HECW2: variants seen among roughly 807,000 people sequenced by gnomAD.
The protein encoded by HECW2 is E3 ubiquitin-protein ligase HECW2.
A neutral mutation model predicts 175.2 loss-of-function variants in HECW2; 61 were observed. That is an observed-to-expected ratio of 0.35 (90% CI 0.28 to 0.43). The LOEUF is 0.43. Ranked by LOEUF, HECW2 falls within the 20% of genes least tolerant of loss-of-function variation. The probability of loss-of-function intolerance (pLI) is 1.00; values close to 1 mark genes in which losing one functional copy is unlikely to be tolerated. For missense variants in HECW2, 1,524 were observed against 2,000.5 expected, an observed-to-expected ratio of 0.76 and a Z score of 4.54; for synonymous variants, 671 against 731.0, an observed-to-expected ratio of 0.92 and a Z score of 1.32.
chr2:196,228,573 T>C (rs1050431767), intron 21 of HECW2, among the ~76,000 whole-genome samples: 1 of 152,200 alleles, frequency 6.6e-6, no homozygotes, highest in African/African-American at 2.4e-5. Flanking sequence ...TATAAAGAGG[T>C]AAATCTTTCG....
chr2:196,281,171 T>C (rs6707176), intron 14 of HECW2, among the ~76,000 whole-genome samples: 40 of 152,314 alleles, frequency 2.6e-4, no homozygotes, highest in African/African-American at 9.1e-4. Context: ...AAAAGAACTA[T>C]ACTGCAAAAG....
chr2:196,208,400 C>T (rs374931816), intron 28 of HECW2, among the ~76,000 whole-genome samples: 3 of 152,198 alleles, frequency 2.0e-5, no homozygotes, highest in Non-Finnish European at 2.9e-5. Context: ...TTATGGAGTA[C>T]ATGTGCTAAG....
At chr2:196,268,831 T>A (rs555047205) in intron 17 of HECW2, among the ~76,000 whole-genome samples, 2 of 152,258 alleles carry the variant, frequency 1.3e-5, no homozygotes, top group East Asian at 3.9e-4. Context: ...TTTTGTTTGT[T>A]TTGCTTTGAG....
chr2:196,291,568 C>T (rs1289888224), intron 14 of HECW2: 1 of 152,188 alleles, frequency 6.6e-6, no homozygotes, highest in Non-Finnish European at 1.5e-5. Context: ...TTTCCCTACC[C>T]TTCAAGTCAC....
chr2:196,365,502 A>G (rs1559069672), intron 2 of HECW2, among the ~76,000 whole-genome samples: 2 of 152,066 alleles, frequency 1.3e-5, no homozygotes, highest in African/African-American at 4.8e-5. Flanking sequence ...TTTTCTTCGA[A>G]CCCTGTGTTC....
At chr2:196,569,426 T>C (rs959676360) in intron 1 of HECW2, among the ~76,000 whole-genome samples, 1 of 152,134 alleles carries the variant, frequency 6.6e-6, no homozygotes, top group Admixed American at 6.5e-5. Flanking sequence ...CCTTAATAAA[T>C]AAATACCATA....
At chr2:196,499,256 G>T (rs943525764) in intron 1 of HECW2, among the ~76,000 whole-genome samples, 4 of 151,362 alleles carry the variant, frequency 2.6e-5, no homozygotes, top group Admixed American at 2.6e-4. Context: ...AACCAGAAAT[G>T]GAAATAGGAA....
chr2:196,231,092 C>CA (rs10653412), intron 21 of HECW2, among the ~76,000 whole-genome samples: 2,623 of 55,300 alleles, frequency 0.047, 438 homozygotes, highest in African/African-American at 0.19. Context: ...GACTCCGTCT[C>CA]AAAAAAAAAA....
rs1393217145 is a variant in HECW2 at position 196,196,115 on chromosome 2, A to T, written c.*5162T>A. 6.6e-6 allele frequency: 1 copy of T among 152,312 alleles called. No individual in the cohort carries two copies. The highest frequency in any genetic ancestry group is 1.5e-5 in the Non-Finnish European group (1 of 68,142). 9.4% of individuals were successfully genotyped at this position (152,312 alleles called of 1,614,324 possible). A position where few individuals can be genotyped will look rare whatever the true frequency, so the allele number is the denominator to read the frequency against. Reference sequence around the variant, plus strand: ...TCTGACCCAGATGGCTATGATATGGACAGCACACACACGGTCATCCTTCCT... The same window carrying T: ...TCTGACCCAGATGGCTATGATATGGTCAGCACACACACGGTCATCCTTCCT... On this transcript the variant is annotated 3_prime_UTR_variant, in exon 29 of 29. Transcript: ENST00000644978.
chr2:196,265,793 C>T (rs543559163), intron 17 of HECW2, among the ~76,000 whole-genome samples: 100 of 152,174 alleles, frequency 6.6e-4, no homozygotes, highest in Middle Eastern at 3.4e-3. Context: ...TTAGAAATTC[C>T]GATCCCCATT....
At chr2:196,241,164 A>G (rs1416268864) in intron 20 of HECW2, among the ~76,000 whole-genome samples, 1 of 152,236 alleles carries the variant, frequency 6.6e-6, no homozygotes, top group East Asian at 1.9e-4. Flanking sequence ...AATTAAAGTC[A>G]TCCTTCCATA....
chr2:196,463,325 GGGAAT>G (rs1221687979), intron 1 of HECW2, among the ~76,000 whole-genome samples: 1 of 151,580 alleles, frequency 6.6e-6, no homozygotes, highest in East Asian at 1.9e-4. Flanking sequence ...TAGAATGTTT[GGGAAT>G]GGACTGAAAC....
chr2:196,325,209 A>G lies in HECW2; in HGVS notation c.572-60T>C, dbSNP rs559067802. ...AGAGAAAGCAGGAGGGAGGGAGGAA[A>G]GAAAGGAGGAAGGGAGAGAACAAGG... On this transcript the variant is annotated intron_variant, in intron 5 of 28. Coordinates refer to ENST00000644978, the MANE Select transcript of HECW2 (RefSeq NM_001348768.2). 9 of 1,297,652 alleles carry G rather than the reference A, an allele frequency of 6.9e-6. No homozygotes were observed. In the South Asian group the frequency reaches 1.3e-4, roughly 19 times the overall value. 80.4% of individuals were successfully genotyped at this position (1,297,652 alleles called of 1,614,324 possible).
chr2:196,272,987 G>A (rs997241432), intron 16 of HECW2, among the ~76,000 whole-genome samples: 1 of 149,004 alleles, frequency 6.7e-6, no homozygotes, highest in African/African-American at 2.5e-5. Flanking sequence ...TGAATTTCAT[G>A]ACATTTTTTT....
At chr2:196,235,281 T>G (rs111565006) in intron 21 of HECW2, among the ~76,000 whole-genome samples, 7,532 of 151,654 alleles carry the variant, frequency 0.05, 604 homozygotes, top group African/African-American at 0.17. Flanking sequence ...TGTATTTTTA[T>G]TAGAGACGGG....
chr2:196,444,524 ACAT>A, intron 1 of HECW2, among the ~76,000 whole-genome samples: 1 of 152,320 alleles, frequency 6.6e-6, no homozygotes, highest in South Asian at 2.1e-4. Context: ...AGCCAAGTTC[ACAT>A]CATTTCATAC....
intron 17 of HECW2, among the ~76,000 whole-genome samples, chr2:196,261,558 T>C (rs1203495419): frequency 6.6e-6 from 1 of 152,220 alleles, no homozygotes; most frequent in South Asian, 2.1e-4. Context: ...AGGCCAGAGA[T>C]GCAAAAAATC....
intron 2 of HECW2, among the ~76,000 whole-genome samples, chr2:196,372,478 A>G (rs1232403242): frequency 6.6e-6 from 1 of 152,218 alleles, no homozygotes; most frequent in African/African-American, 2.4e-5. Flanking sequence ...GCCAAGAATA[A>G]CATTTTCCCT....
At chr2:196,257,783 A>G in intron 18 of HECW2, 40 bp downstream of exon 18, 2 of 1,367,572 alleles carry the variant, frequency 1.5e-6, no homozygotes, top group Non-Finnish European at 2.1e-6. Flanking sequence ...ATCTGATGAC[A>G]AGAGACCTTC....
Sources: allele counts gnomAD v4.1 joint callset (sites outside exome capture counted in the v4.1 genomes callset), GRCh38; gene constraint gnomAD v4.1.1; transcripts MANE v1.5; gene names NCBI Gene and HGNC (gene_info 2026-07-23, HGNC 2026-07-21).